SORCS3: variants seen among roughly 807,000 people sequenced by gnomAD.
The protein encoded by SORCS3 is VPS10 domain-containing receptor SorCS3.
In SORCS3, 57 loss-of-function variants were observed where a neutral mutation model predicts 146.3. The ratio of observed to expected loss-of-function variants is 0.39; its 90% CI spans 0.31 to 0.49. The LOEUF (loss-of-function observed/expected upper bound fraction) is 0.49, where lower values mean the gene tolerates loss of function less well. Ranked by LOEUF, SORCS3 falls within the 20% of genes least tolerant of loss-of-function variation. SORCS3 has a pLI of 0.92. For missense variants in SORCS3, 1,341 were observed against 1,575.5 expected, an observed-to-expected ratio of 0.85 and a Z score of 2.52; for synonymous variants, 653 against 618.5, an observed-to-expected ratio of 1.06 and a Z score of -0.83.
chr10:105,061,573 G>T (rs2133718494), intron 5 of SORCS3, among the ~76,000 whole-genome samples: 1 of 151,530 alleles, frequency 6.6e-6, no homozygotes, highest in Non-Finnish European at 1.5e-5. Context: ...TGGATTAAAG[G>T]CATGAGTCAC....
chr10:104,983,489 A>G (rs1478402038), intron 4 of SORCS3, among the ~76,000 whole-genome samples: 4 of 152,144 alleles, frequency 2.6e-5, no homozygotes, highest in African/African-American at 7.2e-5. Flanking sequence ...TCCCAAAGCA[A>G]TTATGTTCCC....
intron 1 of SORCS3, among the ~76,000 whole-genome samples, chr10:104,667,198 G>A (rs2015790751): frequency 6.6e-6 from 1 of 152,180 alleles, no homozygotes; most frequent in Admixed American, 6.5e-5. Context: ...AACCTAGTTG[G>A]TATGGACTTA....
chr10:104,851,541 A>G (rs759185241), intron 2 of SORCS3, among the ~76,000 whole-genome samples: 1 of 152,204 alleles, frequency 6.6e-6, no homozygotes, highest in Non-Finnish European at 1.5e-5. Flanking sequence ...AGTCTCTTCT[A>G]AAATAACATT....
At chr10:104,685,842 A>C (rs2016037345) in intron 1 of SORCS3, among the ~76,000 whole-genome samples, 1 of 152,164 alleles carries the variant, frequency 6.6e-6, no homozygotes. Flanking sequence ...TTGTCCCCAC[A>C]AATGTTTTCT....
chr10:105,191,533 C>T (rs1458924742), intron 14 of SORCS3, among the ~76,000 whole-genome samples: 1 of 152,080 alleles, frequency 6.6e-6, no homozygotes, highest in Non-Finnish European at 1.5e-5. Context: ...ACCAAGTAGT[C>T]CAAAGGTTAG....
intron 2 of SORCS3, among the ~76,000 whole-genome samples, chr10:104,879,989 G>C (rs1454326497): frequency 6.6e-6 from 1 of 152,098 alleles, no homozygotes; most frequent in African/African-American, 2.4e-5. Context: ...GGAGCTGCTG[G>C]GGATTCCACA....
At chr10:105,201,886 A>C (rs1429200615) in intron 16 of SORCS3, among the ~76,000 whole-genome samples, 1 of 152,184 alleles carries the variant, frequency 6.6e-6, no homozygotes, top group African/African-American at 2.4e-5. Context: ...CTTTTCTTGA[A>C]TCCCCTTCAT....
At chr10:104,791,844 T>C (rs1219631853) in intron 1 of SORCS3, among the ~76,000 whole-genome samples, 1 of 152,144 alleles carries the variant, frequency 6.6e-6, no homozygotes. Context: ...AGCAGATTAG[T>C]TATGAATGAA....
At chr10:104,655,919 A>G (rs1375702713) in intron 1 of SORCS3, among the ~76,000 whole-genome samples, 3 of 152,234 alleles carry the variant, frequency 2.0e-5, no homozygotes, top group African/African-American at 4.8e-5. Context: ...TGAGCCAATT[A>G]AACTTCTTTT....
chr10:105,236,725 CA>C (rs903464999), intron 20 of SORCS3, among the ~76,000 whole-genome samples: 1 of 152,102 alleles, frequency 6.6e-6, no homozygotes, highest in African/African-American at 2.4e-5. Flanking sequence ...TGACTAAAAA[CA>C]AATAAATGAA....
In SORCS3 at chr10:105,067,458, C is replaced by T. The variant is rs927093847; in HGVS notation, c.1029-22317C>T. ...AGGAGAATTGCTTGAACTCGGGAGG[C>T]GGAGGTTGCAGTGAGTTGAGAGTGT... On this transcript the variant is annotated intron_variant, in intron 5 of 26. Coordinates refer to ENST00000369701, the MANE Select transcript of SORCS3 (RefSeq NM_014978.3). 6.6e-5 allele frequency among the ~76,000 whole-genome samples: 10 copies of T among 152,178 alleles called. No homozygotes were observed. The South Asian group carries it at 8.3e-4, about 13-fold the overall frequency.
intron 5 of SORCS3, among the ~76,000 whole-genome samples, 187 bp downstream of exon 5, chr10:105,043,315 G>T (rs1376966078): frequency 1.3e-5 from 2 of 152,046 alleles, no homozygotes; most frequent in African/African-American, 4.8e-5. Context: ...CAGAATCTCA[G>T]GCCCTATTAA....
intron 6 of SORCS3, among the ~76,000 whole-genome samples, chr10:105,095,456 C>T (rs1290011389): frequency 6.6e-6 from 1 of 152,146 alleles, no homozygotes; most frequent in South Asian, 2.1e-4. Flanking sequence ...ATCCAGTACC[C>T]TCAGCACTGC....
intron 1 of SORCS3, among the ~76,000 whole-genome samples, chr10:104,836,431 C>G (rs149144254): frequency 0.01 from 1,571 of 152,204 alleles, 16 homozygotes; most frequent in African/African-American, 0.026. Flanking sequence ...GCATTAGTTG[C>G]TGGTGTTGCG....
intron 3 of SORCS3, among the ~76,000 whole-genome samples, chr10:104,954,328 T>C (rs1333783651): frequency 6.6e-6 from 1 of 152,138 alleles, no homozygotes; most frequent in African/African-American, 2.4e-5. Flanking sequence ...ATAATAAATA[T>C]CATAGTGAAA....
intron 4 of SORCS3, among the ~76,000 whole-genome samples, chr10:104,982,728 T>C (rs980021581): frequency 2.0e-5 from 3 of 152,192 alleles, no homozygotes; most frequent in African/African-American, 7.2e-5. Context: ...TTCATCACCA[T>C]AGAAACACCA....
intron 6 of SORCS3, among the ~76,000 whole-genome samples, chr10:105,103,287 C>T (rs1230886025): frequency 1.6e-4 from 25 of 152,146 alleles, no homozygotes; most frequent in Admixed American, 3.9e-4. Context: ...GTTTTACTCT[C>T]ATACATAATT....
intron 5 of SORCS3, among the ~76,000 whole-genome samples, chr10:105,058,994 T>C (rs1423320304): frequency 6.6e-6 from 1 of 152,174 alleles, no homozygotes; most frequent in Non-Finnish European, 1.5e-5. Flanking sequence ...GCCGATAGTT[T>C]CTTCGGCCCC....
At chr10:105,154,263 G>T (rs2119487261) in intron 9 of SORCS3, among the ~76,000 whole-genome samples, 1 of 152,012 alleles carries the variant, frequency 6.6e-6, no homozygotes, top group East Asian at 1.9e-4. Context: ...TTTTTTCCCT[G>T]AACCAACCTT....
Sources: gnomAD v4.1 joint callset for allele counts (sites outside exome capture counted in the v4.1 genomes callset) on GRCh38, gnomAD v4.1.1 for gene constraint, MANE v1.5 for transcripts, NCBI Gene and HGNC (gene_info 2026-07-23, HGNC 2026-07-21) for gene names.